The following NCKAP5 variants were observed in gnomAD, a reference collection of about 807,000 sequenced individuals.
NCKAP5 encodes the protein NCK associated protein 5.
Under a neutral mutation model 167.0 loss-of-function variants are expected in NCKAP5, and 92 were observed. The ratio of observed to expected loss-of-function variants is 0.55; its 90% CI spans 0.47 to 0.66. The LOEUF is 0.66. Among genes scored for constraint, NCKAP5 ranks in the 30% least tolerant of loss-of-function variants. The probability of loss-of-function intolerance (pLI) is 0.00; values close to 1 mark genes in which losing one functional copy is unlikely to be tolerated. For synonymous variants in NCKAP5, 891 were observed against 877.4 expected, an observed-to-expected ratio of 1.02 and a Z score of -0.27; for missense variants, 2,378 against 2,315.0, an observed-to-expected ratio of 1.03 and a Z score of -0.56.
intron 3 of NCKAP5, among the ~76,000 whole-genome samples, chr2:133,466,651 G>T (rs1044232779): frequency 2.0e-5 from 3 of 152,196 alleles, no homozygotes; most frequent in African/African-American, 7.2e-5. Flanking sequence ...AGCATGGAAT[G>T]TTCTTCCGTT....
At chr2:133,436,587 C>T (rs1156458901) in intron 3 of NCKAP5, among the ~76,000 whole-genome samples, 1 of 152,170 alleles carries the variant, frequency 6.6e-6, no homozygotes, top group East Asian at 1.9e-4. Flanking sequence ...ACAGCTAGTT[C>T]CCCACCTGCA....
intron 3 of NCKAP5, among the ~76,000 whole-genome samples, chr2:133,471,855 C>G (rs1003530020): frequency 2.0e-5 from 3 of 152,218 alleles, no homozygotes; most frequent in African/African-American, 7.2e-5. Flanking sequence ...CCCTACCTCA[C>G]TTGAAAAATT....
chr2:132,831,316 G>A (rs1687507736), intron 11 of NCKAP5, among the ~76,000 whole-genome samples: 1 of 152,124 alleles, frequency 6.6e-6, no homozygotes, highest in Non-Finnish European at 1.5e-5. Flanking sequence ...GAGATATCAA[G>A]AACTGGCATT....
chr2:133,631,559 G>A, the NCKAP5 span, among the ~76,000 whole-genome samples: 1 of 152,150 alleles, frequency 6.6e-6, no homozygotes. Context: ...TATTCTGTGA[G>A]TTTTTTGCAA....
chr2:133,523,112 T>TC (rs763327925), intron 2 of NCKAP5, among the ~76,000 whole-genome samples: 29 of 152,042 alleles, frequency 1.9e-4, no homozygotes, highest in Non-Finnish European at 3.7e-4. Flanking sequence ...ACTCTTTTTT[T>TC]TTTTTCAATT....
chr2:133,637,915 T>C, the NCKAP5 span, among the ~76,000 whole-genome samples: 1 of 152,138 alleles, frequency 6.6e-6, no homozygotes, highest in Non-Finnish European at 1.5e-5. Context: ...CACCTAAACA[T>C]ATCATAGCAA....
chr2:133,174,717 T>C (rs10209769), intron 5 of NCKAP5, among the ~76,000 whole-genome samples: 37,592 of 137,914 alleles, frequency 0.27, 4,929 homozygotes, highest in South Asian at 0.34. Context: ...TTTTTTTTTC[T>C]CCCCCCTGCT....
At position 132,782,992 on chromosome 2, in the gene NCKAP5, G is replaced by A; in HGVS notation, c.3819C>T (p.Ala1273=). ...KPALGMNGAK[A]RSHSFSTHSG... ...AGTGTGTACTGAAGCTGTGGCTGCG[G>A]GCTTTGGCGCCATTCATACCCAGAG... The change falls in exon 14 of 20, where the codon GCC becomes GCT. Residue 1273 remains alanine (A), a synonymous_variant. Transcript: ENST00000409261. 6.2e-7 allele frequency: 1 copy of A among 1,613,984 alleles called. No individual in the cohort carries two copies. Among genetic ancestry groups the A allele is most frequent in the South Asian group, 1.1e-5 (1 of 91,086 alleles).
chr2:132,712,451 A>C (rs1332320569), intron 19 of NCKAP5, among the ~76,000 whole-genome samples: 2 of 152,146 alleles, frequency 1.3e-5, no homozygotes, highest in African/African-American at 4.8e-5. Context: ...GGAGATTGGG[A>C]CCATCCTGGC....
chr2:133,343,340 CATGAAGG>C (rs1235677056), intron 3 of NCKAP5, among the ~76,000 whole-genome samples: 4 of 151,472 alleles, frequency 2.6e-5, no homozygotes, highest in African/African-American at 9.7e-5. Context: ...TACACATATA[CATGAAGG>C]TAAGAAACAT....
At chr2:133,305,039 A>G (rs1050349867) in intron 3 of NCKAP5, among the ~76,000 whole-genome samples, 2 of 152,180 alleles carry the variant, frequency 1.3e-5, no homozygotes, top group Non-Finnish European at 2.9e-5. Context: ...AGAAAACACC[A>G]TATACAAAGG....
chr2:132,783,304 T>A lies in NCKAP5; in HGVS notation c.3507A>T (p.Lys1169Asn), dbSNP rs748344318. 1 of 1,613,836 alleles carries A rather than the reference T, an allele frequency of 6.2e-7. No individual in the cohort carries two copies. The highest frequency in any genetic ancestry group is 1.3e-5 in the African/African-American group (1 of 74,900). ...CTTCATTTAAACTGTCTTTTTCATG[T>A]TTCCCTGGCACGGTGGAACTTTTCC... ...LLRKSSTVPG[K>N]HEKDSLNEAS... Residue 1169 changes from lysine (K) to asparagine (N), a missense_variant, in exon 14 of 20, where the codon AAA (lysine) becomes AAT (asparagine). Lys to Asn is a moderately conservative substitution (Grantham distance 94). Transcript: ENST00000409261.
intron 16 of NCKAP5, among the ~76,000 whole-genome samples, chr2:132,752,815 T>G (rs4954356): frequency 0.12 from 18,629 of 152,082 alleles, 1,713 homozygotes; most frequent in East Asian, 0.45. Flanking sequence ...GAGAGCCGAT[T>G]TGTTATTCTA....
intron 9 of NCKAP5, among the ~76,000 whole-genome samples, chr2:132,870,318 T>C (rs1158948304): frequency 6.6e-6 from 1 of 152,136 alleles, no homozygotes; most frequent in East Asian, 1.9e-4. Context: ...GTTGATAAAA[T>C]TAAGGTGGAC....
chr2:133,223,187 T>C (rs937575384), intron 4 of NCKAP5, among the ~76,000 whole-genome samples: 18 of 152,182 alleles, frequency 1.2e-4, no homozygotes, highest in African/African-American at 9.7e-5. Context: ...CAAATGTCTA[T>C]ATTGAAATTA....
the NCKAP5 span, among the ~76,000 whole-genome samples, chr2:133,647,473 G>A: frequency 4.8e-5 from 3 of 62,622 alleles, no homozygotes; most frequent in Admixed American, 2.1e-4. Flanking sequence ...AAGGGCAAGG[G>A]AAGGAAAGGA....
At chr2:132,814,837 C>T (rs1344456342) in intron 11 of NCKAP5, among the ~76,000 whole-genome samples, 1 of 152,132 alleles carries the variant, frequency 6.6e-6, no homozygotes, top group Non-Finnish European at 1.5e-5. Flanking sequence ...GGCATATCTT[C>T]CCCAAGACAT....
intron 3 of NCKAP5, among the ~76,000 whole-genome samples, chr2:133,383,903 G>C (rs1028269359): frequency 6.6e-6 from 1 of 152,118 alleles, no homozygotes; most frequent in African/African-American, 2.4e-5. Context: ...CCCACTTTTT[G>C]ATGGGGTTGT....
chr2:133,145,067 C>T (rs796093820), intron 5 of NCKAP5, among the ~76,000 whole-genome samples: 1 of 152,146 alleles, frequency 6.6e-6, no homozygotes, highest in African/African-American at 2.4e-5. Context: ...TTGACAGATG[C>T]TAACACCTTT....
Sources: allele counts gnomAD v4.1 joint callset (sites outside exome capture counted in the v4.1 genomes callset), GRCh38; gene constraint gnomAD v4.1.1; transcripts MANE v1.5; gene names NCBI Gene and HGNC (gene_info 2026-07-23, HGNC 2026-07-21).